Variants in DNER observed in about 807,000 individuals in gnomAD.
The protein encoded by DNER is delta/notch like EGF repeat containing, also known as delta and Notch-like epidermal growth factor-related receptor.
Under a neutral mutation model 78.2 loss-of-function variants are expected in DNER, and 33 were observed. The ratio of observed to expected loss-of-function variants is 0.42; its 90% CI spans 0.32 to 0.56. The LOEUF (loss-of-function observed/expected upper bound fraction) is 0.56, where lower values mean the gene tolerates loss of function less well. Ranked by LOEUF, DNER falls within the 20% of genes least tolerant of loss-of-function variation. DNER has a pLI of 0.11. For synonymous variants in DNER, 417 were observed against 384.8 expected (o/e 1.08, Z -0.98); for missense variants, 918 against 975.3 (o/e 0.94, Z 0.78).
chr2:229,441,193 A>G (rs1247476347), intron 8 of DNER, among the ~76,000 whole-genome samples: 1 of 151,978 alleles, frequency 6.6e-6, no homozygotes, highest in Non-Finnish European at 1.5e-5. Flanking sequence ...GACTTCCCCC[A>G]CGTATAAATC....
intron 3 of DNER, among the ~76,000 whole-genome samples, chr2:229,587,700 G>T (rs1157541742): frequency 6.6e-6 from 1 of 152,122 alleles, no homozygotes; most frequent in Non-Finnish European, 1.5e-5. Flanking sequence ...TGAAAAGGAT[G>T]GGCAGTGGGG....
chr2:229,367,494 G>T (rs769455396), intron 11 of DNER, among the ~76,000 whole-genome samples: 5 of 152,018 alleles, frequency 3.3e-5, no homozygotes, highest in African/African-American at 4.8e-5. Context: ...CCAGCTACTC[G>T]GGAGGCTGAG....
intron 4 of DNER, among the ~76,000 whole-genome samples, chr2:229,552,412 G>A (rs1696763329): frequency 6.6e-6 from 1 of 152,194 alleles, no homozygotes; most frequent in African/African-American, 2.4e-5. Context: ...GTTTGGCTGT[G>A]TCCCCACCCA....
At chr2:229,438,141 A>G (rs1046140122) in intron 8 of DNER, among the ~76,000 whole-genome samples, 2 of 152,186 alleles carry the variant, frequency 1.3e-5, no homozygotes, top group Non-Finnish European at 2.9e-5. Flanking sequence ...TGAAGCAAAG[A>G]CAGAAGAAGG....
chr2:229,583,412 A>G (rs1023501270), intron 4 of DNER, among the ~76,000 whole-genome samples: 3 of 152,248 alleles, frequency 2.0e-5, no homozygotes, highest in African/African-American at 7.2e-5. Context: ...TGAATATCTT[A>G]TACAACTTAT....
At chr2:229,505,424 G>A (rs540794042) in intron 6 of DNER, among the ~76,000 whole-genome samples, 1 of 152,284 alleles carries the variant, frequency 6.6e-6, no homozygotes, top group South Asian at 2.1e-4. Context: ...CCCTGATCAG[G>A]ATTTGTGCTA....
intron 1 of DNER, among the ~76,000 whole-genome samples, chr2:229,663,349 G>A (rs540558376): frequency 6.6e-6 from 1 of 152,242 alleles, no homozygotes; most frequent in East Asian, 1.9e-4. Flanking sequence ...TCACTCCAAA[G>A]CCAATTTTTT....
chr2:229,358,586 G>A lies in DNER; in HGVS notation c.2168C>T (p.Pro723Leu). The change falls in exon 13 of 13, where the codon CCT becomes CTT. Residue 723 changes from proline to leucine, a missense_variant. Coordinates refer to ENST00000341772, the MANE Select transcript of DNER (RefSeq NM_139072.4). ...VSPIAYEDYS[P>L]DDKPLVTLIK... ...CAGTGTGACCAAGGGTTTGTCATCA[G>A]GACTGTAATCTTCATAGGCGATGGG... The A allele has an allele frequency of 6.2e-7, 1 of 1,613,908 alleles. No individual in the cohort carries two copies. The highest frequency in any genetic ancestry group is 1.1e-5 in the South Asian group (1 of 91,058).
At chr2:229,714,022 C>T in intron 1 of DNER, 126 bp downstream of exon 1, 1 of 1,005,106 alleles carries the variant, frequency 9.9e-7, no homozygotes, top group Non-Finnish European at 1.3e-6. Context: ...CTGGATCCAT[C>T]TTCTTCCCAA....
chr2:229,533,326 A>G (rs553655669), intron 5 of DNER, among the ~76,000 whole-genome samples: 2 of 152,256 alleles, frequency 1.3e-5, no homozygotes, highest in Middle Eastern at 3.4e-3. Context: ...TTAAGACATG[A>G]TGTGCCTTTT....
intron 1 of DNER, among the ~76,000 whole-genome samples, chr2:229,669,369 C>CATAT (rs58371383): frequency 0.021 from 3,096 of 144,744 alleles, 113 homozygotes; most frequent in African/African-American, 0.074. Context: ...TGTATACATA[C>CATAT]ATATATATAT....
intron 5 of DNER, among the ~76,000 whole-genome samples, chr2:229,517,386 G>A (rs769551495): frequency 4.6e-5 from 7 of 152,154 alleles, no homozygotes; most frequent in Non-Finnish European, 8.8e-5. Context: ...CGGAGACAGG[G>A]AATAGAAGTG....
At chr2:229,513,795 G>A (rs557771268) in intron 5 of DNER, among the ~76,000 whole-genome samples, 2 of 152,198 alleles carry the variant, frequency 1.3e-5, no homozygotes, top group South Asian at 2.1e-4. Flanking sequence ...AAACAAAACA[G>A]ACAAAAGCCC....
chr2:229,490,425 G>A (rs749057403), intron 6 of DNER, among the ~76,000 whole-genome samples: 16 of 152,120 alleles, frequency 1.1e-4, no homozygotes. Flanking sequence ...AGTTATACCT[G>A]GTATAACCTG....
At chr2:229,568,992 T>C (rs1400535654) in intron 4 of DNER, among the ~76,000 whole-genome samples, 1 of 152,234 alleles carries the variant, frequency 6.6e-6, no homozygotes, top group Non-Finnish European at 1.5e-5. Context: ...TCTATGTGTG[T>C]GCATATACAC....
At chr2:229,370,105 G>A (rs1194788327) in intron 11 of DNER, among the ~76,000 whole-genome samples, 2 of 152,144 alleles carry the variant, frequency 1.3e-5, no homozygotes, top group African/African-American at 4.8e-5. Context: ...CATCTTAGCT[G>A]TATCTTCAGT....
chr2:229,706,856 G>C (rs1030258341), intron 1 of DNER, among the ~76,000 whole-genome samples: 1 of 152,176 alleles, frequency 6.6e-6, no homozygotes, highest in Admixed American at 6.5e-5. Context: ...GATTACAGGT[G>C]TAAGCCGCCA....
intron 12 of DNER, among the ~76,000 whole-genome samples, chr2:229,363,614 C>T (rs567092812): frequency 2.6e-5 from 4 of 152,280 alleles, no homozygotes; most frequent in African/African-American, 4.8e-5. Flanking sequence ...GGAGCTTGCC[C>T]GTTAGGAATT....
chr2:229,687,920 T>C (rs1699513210), intron 1 of DNER, among the ~76,000 whole-genome samples: 1 of 152,232 alleles, frequency 6.6e-6, no homozygotes, highest in Non-Finnish European at 1.5e-5. Context: ...CCTTTCTTCC[T>C]GTCCCCTTGA....
Sources: gnomAD v4.1 joint callset for allele counts (sites outside exome capture counted in the v4.1 genomes callset) on GRCh38, gnomAD v4.1.1 for gene constraint, MANE v1.5 for transcripts, NCBI Gene and HGNC (gene_info 2026-07-23, HGNC 2026-07-21) for gene names.